DIP2C: variants seen among roughly 807,000 people sequenced by gnomAD.
DIP2C encodes DIP2 acetate--CoA ligase C (putative), also known as disco-interacting protein 2 homolog C.
In DIP2C, 33 loss-of-function variants were observed where a neutral mutation model predicts 192.4. That is an observed-to-expected ratio of 0.17 (90% CI 0.13 to 0.23). The LOEUF (loss-of-function observed/expected upper bound fraction) is 0.23, where lower values mean the gene tolerates loss of function less well. DIP2C is among the 10% of genes least tolerant of loss of function. DIP2C has a pLI of 1.00. For missense variants in DIP2C, 1,537 were observed against 2,110.1 expected, an observed-to-expected ratio of 0.73 and a Z score of 5.32; for synonymous variants, 979 against 864.1, an observed-to-expected ratio of 1.13 and a Z score of -2.33.
chr10:596,551 C>CTTAATA lies in DIP2C; in HGVS notation c.85+92942_85+92943insTATTAA, dbSNP rs1564246921. On this transcript the variant is annotated intron_variant, in intron 1 of 36. Transcript: ENST00000280886. ...AGTATTAAGTTTTCCTTCCAATGAA[C>CTTAATA]CTATCATTCTGCCACCGAGGTATCC... is the stretch of plus-strand genomic sequence containing the variant. Among the ~76,000 whole-genome samples the CTTAATA allele has an allele frequency of 2.8e-5, 4 of 140,394 alleles. No individual in the cohort carries two copies. The East Asian group carries it at 8.8e-4, about 31-fold the overall frequency. The allele number at this position is 140,394 out of a possible 152,430, so 92.1% of individuals were successfully genotyped here.
intron 1 of DIP2C, among the ~76,000 whole-genome samples, chr10:573,926 C>G (rs1488987795): frequency 6.6e-6 from 1 of 152,180 alleles, no homozygotes; most frequent in Non-Finnish European, 1.5e-5. Flanking sequence ...ACCACCACAT[C>G]ACAGACTAGA....
intron 1 of DIP2C, among the ~76,000 whole-genome samples, chr10:525,801 C>T (rs959894333): frequency 1.3e-5 from 2 of 152,182 alleles, no homozygotes; most frequent in East Asian, 1.9e-4. Flanking sequence ...ATGAGACAGC[C>T]GGGCCTGAGT....
intron 1 of DIP2C, chr10:665,222 A>C (rs1857011448): frequency 6.6e-6 from 1 of 152,242 alleles, no homozygotes; most frequent in Admixed American, 6.5e-5. Context: ...GGTTCATAAA[A>C]TATACATATA....
chr10:468,551 G>A (rs1171770003), intron 3 of DIP2C, among the ~76,000 whole-genome samples: 3 of 152,070 alleles, frequency 2.0e-5, no homozygotes, highest in Admixed American at 6.6e-5. Flanking sequence ...ACTTGAGGTC[G>A]GGAGTTCTAG....
chr10:311,675 A>T, intron 31 of DIP2C: 5 of 863,298 alleles, frequency 5.8e-6, no homozygotes, highest in Non-Finnish European at 7.6e-6. Context: ...GAAAAATGGG[A>T]TGGAGAAGAG....
At position 385,300 on chromosome 10, in the gene DIP2C, G is replaced by A. The variant is rs117881683; in HGVS notation, c.1663-661C>T. ...CATGAATGTGACACGGTAGGGTCTG[G>A]GTGTAATCCTTTAAAACATGTCCAT... is the stretch of plus-strand genomic sequence containing the variant. On this transcript the variant is annotated intron_variant, in intron 14 of 36. Coordinates refer to ENST00000280886, the MANE Select transcript of DIP2C (RefSeq NM_014974.3). Among the ~76,000 whole-genome samples, 175 of 152,304 alleles carry A rather than the reference G, an allele frequency of 1.1e-3. No homozygotes were observed. The East Asian group carries it at 0.013, about 11-fold the overall frequency.
chr10:647,754 A>G (rs527804265), intron 1 of DIP2C, among the ~76,000 whole-genome samples: 1 of 150,968 alleles, frequency 6.6e-6, no homozygotes, highest in Non-Finnish European at 1.5e-5. Flanking sequence ...CCACGTCCAC[A>G]TTGGATGGTG....
intron 1 of DIP2C, among the ~76,000 whole-genome samples, chr10:577,241 A>G (rs1253193765): frequency 6.6e-6 from 1 of 152,272 alleles, no homozygotes; most frequent in Non-Finnish European, 1.5e-5. Context: ...AATGACCTCC[A>G]GTTAAGTCAC....
At chr10:541,454 AC>A (rs1240988889) in intron 1 of DIP2C, among the ~76,000 whole-genome samples, 3 of 141,048 alleles carry the variant, frequency 2.1e-5, no homozygotes, top group Admixed American at 7.1e-5. Context: ...TCTCTCCTGG[AC>A]CCCCCCGAGT....
At chr10:468,236 A>C (rs1970380162) in intron 3 of DIP2C, among the ~76,000 whole-genome samples, 2 of 152,212 alleles carry the variant, frequency 1.3e-5, no homozygotes, top group Admixed American at 1.3e-4. Flanking sequence ...TAGTATATCT[A>C]AATTTAGAGA....
chr10:558,522 G>C (rs985412585), intron 1 of DIP2C, among the ~76,000 whole-genome samples: 2 of 152,128 alleles, frequency 1.3e-5, no homozygotes, highest in Non-Finnish European at 2.9e-5. Flanking sequence ...GGCGCCCAGC[G>C]CAGGGGGACA....
intron 1 of DIP2C, among the ~76,000 whole-genome samples, chr10:492,280 G>T (rs549223992): frequency 1.3e-5 from 2 of 152,274 alleles, no homozygotes; most frequent in African/African-American, 4.8e-5. Flanking sequence ...CCTGCTGTTT[G>T]GGCTGTGACC....
intron 4 of DIP2C, among the ~76,000 whole-genome samples, chr10:423,471 T>C (rs1452672360): frequency 3.3e-5 from 5 of 152,336 alleles, no homozygotes; most frequent in African/African-American, 1.2e-4. Context: ...TGGGCTCTGA[T>C]TTTTCTACTA....
At chr10:511,248 A>G (rs1335992222) in intron 1 of DIP2C, among the ~76,000 whole-genome samples, 2 of 152,158 alleles carry the variant, frequency 1.3e-5, no homozygotes, top group Non-Finnish European at 1.5e-5. Context: ...ACTCGCCTCA[A>G]TCAAGGGCGG....
At chr10:315,260 ATTT>A (rs1956727870) in intron 31 of DIP2C, among the ~76,000 whole-genome samples, 1 of 152,198 alleles carries the variant, frequency 6.6e-6, no homozygotes, top group South Asian at 2.1e-4. Context: ...AACTAAAAAT[ATTT>A]ACATGTCTAC....
intron 28 of DIP2C, among the ~76,000 whole-genome samples, chr10:343,852 G>A (rs1958280793): frequency 6.6e-6 from 1 of 152,214 alleles, no homozygotes; most frequent in African/African-American, 2.4e-5. Context: ...AAGCGCTGGA[G>A]ATGAACCGAA....
intron 32 of DIP2C, among the ~76,000 whole-genome samples, chr10:296,473 A>G (rs181640033): frequency 3.9e-4 from 59 of 152,320 alleles, no homozygotes; most frequent in African/African-American, 1.4e-3. Flanking sequence ...TGTGAAAGAC[A>G]TTGTGGCAAT....
chr10:579,854 T>C (rs899045371), intron 1 of DIP2C, among the ~76,000 whole-genome samples: 2 of 152,054 alleles, frequency 1.3e-5, no homozygotes, highest in African/African-American at 4.8e-5. Flanking sequence ...CTGTACAGTG[T>C]ACATGCATAT....
chr10:408,130 T>C (rs1964940347), intron 9 of DIP2C, among the ~76,000 whole-genome samples: 1 of 150,466 alleles, frequency 6.6e-6, no homozygotes, highest in South Asian at 2.1e-4. Flanking sequence ...CATATGATGT[T>C]AGGTAAACAT....
Sources: allele counts gnomAD v4.1 joint callset (sites outside exome capture counted in the v4.1 genomes callset), GRCh38; gene constraint gnomAD v4.1.1; transcripts MANE v1.5; gene names NCBI Gene and HGNC (gene_info 2026-07-23, HGNC 2026-07-21).